The following FBN2 variants were observed in gnomAD, a reference collection of about 807,000 sequenced individuals.
The protein encoded by FBN2 is fibrillin 2.
FBN2 carries 105 observed loss-of-function variants against 355.6 expected under a neutral mutation model. The ratio of observed to expected loss-of-function variants is 0.30; its 90% CI spans 0.25 to 0.35. The LOEUF (loss-of-function observed/expected upper bound fraction) is 0.35, where lower values mean the gene tolerates loss of function less well. Ranked by LOEUF, FBN2 falls within the 10% of genes least tolerant of loss-of-function variation. FBN2 has a pLI of 1.00. For synonymous variants in FBN2, 1,350 were observed against 1,301.2 expected (o/e 1.04, Z -0.81); for missense variants, 3,280 against 3,758.7 (o/e 0.87, Z 3.33).
chr5:128,502,293 A>C (rs1755839759), intron 5 of FBN2, among the ~76,000 whole-genome samples: 1 of 151,550 alleles, frequency 6.6e-6, no homozygotes, highest in Non-Finnish European at 1.5e-5. Flanking sequence ...AGAACAAAAA[A>C]AAAAAAATAA....
chr5:128,416,261 G>A (rs1010159318), intron 7 of FBN2, among the ~76,000 whole-genome samples: 8 of 152,130 alleles, frequency 5.3e-5, no homozygotes, highest in Non-Finnish European at 1.2e-4. Context: ...CTGACCTCAG[G>A]TGATCTGCCC....
intron 20 of FBN2, among the ~76,000 whole-genome samples, chr5:128,354,181 C>T (rs1196456743): frequency 6.6e-6 from 1 of 152,172 alleles, no homozygotes; most frequent in Non-Finnish European, 1.5e-5. Context: ...TCAGAGAAAT[C>T]GTGACTTACA....
At chr5:128,451,651 T>C (rs1468416411) in intron 6 of FBN2, among the ~76,000 whole-genome samples, 4 of 152,242 alleles carry the variant, frequency 2.6e-5, no homozygotes, top group African/African-American at 9.6e-5. Flanking sequence ...CCACCCGCCT[T>C]GGCCTCCCAA....
At chr5:128,291,453 C>G in intron 49 of FBN2, 76 bp downstream of exon 49, 1 of 1,528,080 alleles carries the variant, frequency 6.5e-7, no homozygotes, top group African/African-American at 1.4e-5. Context: ...AGGACTAATA[C>G]CAGCATGATG....
At chr5:128,289,683 G>C (rs1009858961) in intron 51 of FBN2, among the ~76,000 whole-genome samples, 199 bp downstream of exon 51, 6 of 151,988 alleles carry the variant, frequency 3.9e-5, no homozygotes, top group African/African-American at 1.4e-4. Context: ...TTTTGTCAGA[G>C]AAATATGTAT....
At chr5:128,488,715 T>C (rs936319752) in intron 5 of FBN2, among the ~76,000 whole-genome samples, 5 of 150,044 alleles carry the variant, frequency 3.3e-5, no homozygotes, top group African/African-American at 7.3e-5. Context: ...TGTGTTCTCA[T>C]TGTTAATTCC....
At chr5:128,481,159 C>T (rs1212230278) in intron 5 of FBN2, among the ~76,000 whole-genome samples, 3 of 146,512 alleles carry the variant, frequency 2.0e-5, no homozygotes, top group Non-Finnish European at 3.0e-5. Flanking sequence ...AAATACCAGA[C>T]CCACATAATT....
chr5:128,346,056 TA>T (rs1159990478), intron 23 of FBN2, among the ~76,000 whole-genome samples: 4 of 152,210 alleles, frequency 2.6e-5, no homozygotes, highest in Admixed American at 1.3e-4. Context: ...TTATTACATT[TA>T]AAGTTTTTTT....
intron 7 of FBN2, among the ~76,000 whole-genome samples, chr5:128,435,562 T>C (rs1753750215): frequency 1.3e-5 from 2 of 152,140 alleles, no homozygotes; most frequent in Non-Finnish European, 2.9e-5. Flanking sequence ...ATTGTAAAGA[T>C]GCAGGCATTA....
At chr5:128,405,581 T>A (rs145178021) in intron 8 of FBN2, among the ~76,000 whole-genome samples, 189 of 152,300 alleles carry the variant, frequency 1.2e-3, no homozygotes, top group African/African-American at 4.4e-3. Flanking sequence ...TCTTTTCCAA[T>A]GCAGAACAAA....
In FBN2 at chr5:128,336,095, A is replaced by G. The variant is rs1581224796; in HGVS notation, c.3617T>C (p.Leu1206Pro). 3.1e-6 allele frequency: 5 copies of G among 1,613,426 alleles called. No individual in the cohort carries two copies. Among genetic ancestry groups the G allele is most frequent in the Non-Finnish European group, 4.2e-6 (5 of 1,179,462 alleles). Residue 1206 changes from leucine (L) to proline (P), a missense_variant, in exon 28 of 65, where the codon CTG becomes CCG. Coordinates refer to ENST00000262464, the MANE Select transcript of FBN2 (RefSeq NM_001999.4). ...EDCVDINECSLSDNLCRNGKC... is the reference protein window; with the variant it reads ...EDCVDINECSPSDNLCRNGKC... ...TCCATTTCTGCAGAGATTGTCACTC[A>G]GGGAGCATTCATTAATATCTATAAA... is the stretch of plus-strand genomic sequence containing the variant.
chr5:128,271,080 T>C (rs1428315084), intron 62 of FBN2, among the ~76,000 whole-genome samples: 1 of 152,244 alleles, frequency 6.6e-6, no homozygotes. Context: ...TTTTTTGTTC[T>C]TAATTCACTT....
At chr5:128,446,366 A>G in intron 7 of FBN2, 115 bp downstream of exon 7, 1 of 1,094,296 alleles carries the variant, frequency 9.1e-7, no homozygotes, top group South Asian at 1.3e-5. Context: ...CTATGCTTTC[A>G]TAGTAGATAA....
intron 11 of FBN2, among the ~76,000 whole-genome samples, chr5:128,382,810 AT>A (rs1232444705): frequency 7.9e-5 from 12 of 152,038 alleles, no homozygotes; most frequent in African/African-American, 2.7e-4. Context: ...GCAGTCCTAC[AT>A]CACTATTGTC....
At chr5:128,517,878 A>T (rs1167922561) in intron 5 of FBN2, among the ~76,000 whole-genome samples, 1 of 152,230 alleles carries the variant, frequency 6.6e-6, no homozygotes, top group Non-Finnish European at 1.5e-5. Flanking sequence ...TTGATGCCAC[A>T]ACAAGCTCTG....
At chr5:128,360,167 A>G (rs2126935113) in intron 19 of FBN2, among the ~76,000 whole-genome samples, 1 of 152,232 alleles carries the variant, frequency 6.6e-6, no homozygotes, top group East Asian at 1.9e-4. Flanking sequence ...ATCAGGAAAA[A>G]CAAAAACCTT....
At chr5:128,398,575 T>C (rs559794933) in intron 8 of FBN2, among the ~76,000 whole-genome samples, 2 of 151,996 alleles carry the variant, frequency 1.3e-5, no homozygotes, top group African/African-American at 4.8e-5. Flanking sequence ...AATTACTGAG[T>C]TGGCAGATAT....
intron 34 of FBN2, among the ~76,000 whole-genome samples, chr5:128,319,835 T>C (rs1284070545): frequency 6.6e-6 from 1 of 152,178 alleles, no homozygotes; most frequent in Non-Finnish European, 1.5e-5. Context: ...GGAAATAATC[T>C]GAATTTCTAC....
At chr5:128,524,650 T>C (rs547399915) in intron 4 of FBN2, among the ~76,000 whole-genome samples, 2 of 152,256 alleles carry the variant, frequency 1.3e-5, no homozygotes, top group Non-Finnish European at 2.9e-5. Flanking sequence ...TCTGCTTCTT[T>C]GCTCTCAGTA....
Sources: allele counts gnomAD v4.1 joint callset (sites outside exome capture counted in the v4.1 genomes callset), GRCh38; gene constraint gnomAD v4.1.1; transcripts MANE v1.5; gene names NCBI Gene and HGNC (gene_info 2026-07-23, HGNC 2026-07-21).